DLGAP1: variants seen among roughly 807,000 people sequenced by gnomAD.
DLGAP1 encodes disks large-associated protein 1.
A neutral mutation model predicts 90.8 loss-of-function variants in DLGAP1; 11 were observed. That is an observed-to-expected ratio of 0.12 (90% CI 0.08 to 0.20). DLGAP1 has a LOEUF of 0.20. Ranked by LOEUF, DLGAP1 falls within the 10% of genes least tolerant of loss-of-function variation. The probability of loss-of-function intolerance (pLI) is 1.00; values close to 1 mark genes in which losing one functional copy is unlikely to be tolerated. For synonymous variants in DLGAP1, 558 were observed against 540.7 expected, an observed-to-expected ratio of 1.03 and a Z score of -0.44; for missense variants, 1,050 against 1,333.8, an observed-to-expected ratio of 0.79 and a Z score of 3.31.
At chr18:3,501,438 TAACAC>T (rs2049927805) in intron 12 of DLGAP1, among the ~76,000 whole-genome samples, 1 of 152,256 alleles carries the variant, frequency 6.6e-6, no homozygotes, top group South Asian at 2.1e-4. Context: ...CTTTCCAACT[TAACAC>T]TACGACCCCC....
intron 7 of DLGAP1, among the ~76,000 whole-genome samples, chr18:3,650,647 C>T (rs564235749): frequency 6.6e-6 from 1 of 152,264 alleles, no homozygotes. Flanking sequence ...CTATAATATT[C>T]CATTTAGTAT....
At chr18:4,198,781 T>G (rs1226204044) in intron 1 of DLGAP1, among the ~76,000 whole-genome samples, 1 of 152,236 alleles carries the variant, frequency 6.6e-6, no homozygotes, top group East Asian at 1.9e-4. Flanking sequence ...TATCAAATGA[T>G]GTATTACATT....
intron 9 of DLGAP1, among the ~76,000 whole-genome samples, chr18:3,548,798 AG>A (rs541052588): frequency 7.0e-4 from 107 of 152,298 alleles, no homozygotes; most frequent in Non-Finnish European, 1.3e-3. Context: ...GCACTTTTGG[AG>A]GTGGAGACAG....
At chr18:3,567,410 G>T (rs186522808) in intron 9 of DLGAP1, 80 bp downstream of exon 9, 1 of 1,198,214 alleles carries the variant, frequency 8.3e-7, no homozygotes, top group Non-Finnish European at 1.2e-6. Flanking sequence ...ATTGAATTTT[G>T]TAGACTTATC....
At chr18:3,795,905 C>T (rs1380909117) in intron 5 of DLGAP1, among the ~76,000 whole-genome samples, 1 of 152,060 alleles carries the variant, frequency 6.6e-6, no homozygotes, top group East Asian at 1.9e-4. Flanking sequence ...TGTATGATCT[C>T]GTTGGACATC....
chr18:3,523,136 G>A (rs912176299), intron 10 of DLGAP1, among the ~76,000 whole-genome samples: 6 of 152,114 alleles, frequency 3.9e-5, no homozygotes, highest in African/African-American at 9.7e-5. Flanking sequence ...ACTTTGGGAC[G>A]CTGAGGTAGG....
intron 7 of DLGAP1, among the ~76,000 whole-genome samples, chr18:3,714,919 G>A (rs529360171): frequency 6.6e-6 from 1 of 152,270 alleles, no homozygotes; most frequent in African/African-American, 2.4e-5. Flanking sequence ...TTACAGGTGT[G>A]AGCCACCACG....
chr18:4,306,266 T>C (rs2080256524), intron 1 of DLGAP1, among the ~76,000 whole-genome samples: 1 of 152,100 alleles, frequency 6.6e-6, no homozygotes, highest in Non-Finnish European at 1.5e-5. Flanking sequence ...CTAGGAAAGT[T>C]GGCTACAAAG....
At chr18:3,697,173 G>GT (rs777870342) in intron 7 of DLGAP1, among the ~76,000 whole-genome samples, 10 of 151,942 alleles carry the variant, frequency 6.6e-5, no homozygotes, top group East Asian at 1.9e-4. Flanking sequence ...TTTTTGAAGG[G>GT]TTTTTTGTGT....
chr18:4,223,728 A>C (rs1316783683), intron 1 of DLGAP1, among the ~76,000 whole-genome samples: 2 of 152,168 alleles, frequency 1.3e-5, no homozygotes, highest in Non-Finnish European at 2.9e-5. Flanking sequence ...ATTTTCTTGA[A>C]AGTGTATTAG....
chr18:3,762,725 G>A (rs2064025898), intron 5 of DLGAP1, among the ~76,000 whole-genome samples: 1 of 152,120 alleles, frequency 6.6e-6, no homozygotes, highest in Non-Finnish European at 1.5e-5. Flanking sequence ...CGCCTTCAAT[G>A]GTTCTGAACA....
intron 4 of DLGAP1, among the ~76,000 whole-genome samples, chr18:3,878,864 T>G (rs1029940219): frequency 1.3e-5 from 2 of 152,224 alleles, no homozygotes; most frequent in African/African-American, 4.8e-5. Context: ...ACTGGTTGCC[T>G]TTCCATAGGC....
chr18:3,778,804 T>G (rs9960744), intron 5 of DLGAP1, among the ~76,000 whole-genome samples: 9,522 of 152,140 alleles, frequency 0.063, 946 homozygotes, highest in African/African-American at 0.21. Context: ...AGCAAATGGA[T>G]AAGCAGAGGG....
At chr18:4,046,483 T>C (rs916491257) in intron 2 of DLGAP1, among the ~76,000 whole-genome samples, 6 of 152,190 alleles carry the variant, frequency 3.9e-5, no homozygotes, top group African/African-American at 1.4e-4. Context: ...GATACAAAAA[T>C]GAAGTTCTCA....
At chr18:4,146,993 G>C (rs1198520005) in intron 2 of DLGAP1, among the ~76,000 whole-genome samples, 1 of 152,068 alleles carries the variant, frequency 6.6e-6, no homozygotes, top group East Asian at 1.9e-4. Context: ...AAGAAAAGTA[G>C]GAAAAATTTA....
chr18:3,920,311 G>A (rs905995696), intron 3 of DLGAP1, among the ~76,000 whole-genome samples: 1 of 136,424 alleles, frequency 7.3e-6, no homozygotes, highest in Non-Finnish European at 1.5e-5. Flanking sequence ...AGAGATTGCG[G>A]CACTATACTT....
intron 7 of DLGAP1, among the ~76,000 whole-genome samples, chr18:3,705,060 G>T (rs2061392187): frequency 6.6e-6 from 1 of 152,188 alleles, no homozygotes; most frequent in South Asian, 2.1e-4. Context: ...TATTTCTGTA[G>T]TTCAGTTCAC....
chr18:4,252,876 TAAAC>T (rs965886152), intron 1 of DLGAP1, among the ~76,000 whole-genome samples: 2 of 152,224 alleles, frequency 1.3e-5, no homozygotes, highest in Non-Finnish European at 2.9e-5. Context: ...CCTTTTCTCT[TAAAC>T]AAAGTCATAT....
rs58599574 is a variant in DLGAP1, at chr18:3,977,434, G to GTTTTTTTTTTTTTTTTT, written c.-73+27665_-73+27681dup. Reference sequence around the variant, plus strand: ...AGTTAATGAATTATGTTTATTCTGTGTTTTTTTTTTTTTTTTTTTTGCTGA... The same window carrying GTTTTTTTTTTTTTTTTT: ...AGTTAATGAATTATGTTTATTCTGTGTTTTTTTTTTTTTTTTTTTTTTTTTTTTTTTTTTTTTGCTGA... On this transcript the variant is annotated intron_variant, in intron 3 of 12. Transcript: ENST00000315677. Among the ~76,000 whole-genome samples, 17 of 95,338 alleles carry GTTTTTTTTTTTTTTTTT rather than the reference G, an allele frequency of 1.8e-4. 1 individual carries two copies. Among genetic ancestry groups the GTTTTTTTTTTTTTTTTT allele is most frequent in the African/African-American group, 7.1e-4 (17 of 23,972 alleles). The allele number at this position is 95,338 out of a possible 152,430, so 62.5% of individuals were successfully genotyped here.
Sources: allele counts gnomAD v4.1 joint callset (sites outside exome capture counted in the v4.1 genomes callset), GRCh38; gene constraint gnomAD v4.1.1; transcripts MANE v1.5; gene names NCBI Gene and HGNC (gene_info 2026-07-23, HGNC 2026-07-21).